Variants in AGBL4 observed in about 807,000 individuals in gnomAD.
The protein encoded by AGBL4 is cytosolic carboxypeptidase 6.
Under a neutral mutation model 66.4 loss-of-function variants are expected in AGBL4, and 58 were observed. The ratio of observed to expected loss-of-function variants is 0.87; its 90% confidence interval spans 0.71 to 1.09. AGBL4 has a LOEUF of 1.09. Among genes scored for constraint, AGBL4 ranks in the 50% least tolerant of loss-of-function variants. The probability of loss-of-function intolerance (pLI) is 0.00; values close to 1 mark genes in which losing one functional copy is unlikely to be tolerated. For synonymous variants in AGBL4, 234 were observed against 222.9 expected, an observed-to-expected ratio of 1.05 and a Z score of -0.44; for missense variants, 579 against 631.0, an observed-to-expected ratio of 0.92 and a Z score of 0.88.
intron 2 of AGBL4, among the ~76,000 whole-genome samples, chr1:49,807,812 T>C (rs1645008525): frequency 6.6e-6 from 1 of 152,098 alleles, no homozygotes; most frequent in African/African-American, 2.4e-5. Context: ...TGGGAGATAA[T>C]TATGTCATGA....
At chr1:49,446,178 T>C (rs1646152436) in intron 3 of AGBL4, among the ~76,000 whole-genome samples, 1 of 152,210 alleles carries the variant, frequency 6.6e-6, no homozygotes, top group African/African-American at 2.4e-5. Flanking sequence ...ATCTGGGATT[T>C]CAAATATTCC....
rs565013027 is a variant in AGBL4 at position 48,726,012 on chromosome 1, G to A, written c.635-62771C>T. Among the ~76,000 whole-genome samples, 15 of 152,176 alleles carry A rather than the reference G, an allele frequency of 9.9e-5. No individual in the cohort carries two copies. The East Asian group carries it at 2.9e-3, about 29-fold the overall frequency. On this transcript the variant is annotated intron_variant, in intron 6 of 13. Coordinates refer to ENST00000371839, the MANE Select transcript of AGBL4 (RefSeq NM_032785.4). Reference sequence around the variant, plus strand: ...CTACATTACTCTCCACAACAACCCTGAATTAGGGATCATTCTCTCCACACC... The same window carrying A: ...CTACATTACTCTCCACAACAACCCTAAATTAGGGATCATTCTCTCCACACC...
At chr1:48,623,076 TAAG>T (rs1319739124) in intron 9 of AGBL4, among the ~76,000 whole-genome samples, 1 of 152,234 alleles carries the variant, frequency 6.6e-6, no homozygotes, top group Non-Finnish European at 1.5e-5. Context: ...GCAACTTTTC[TAAG>T]AACAATTTGA....
rs976676438 is a variant in AGBL4, at chr1:48,749,694, T to C, written c.635-86453A>G. On this transcript the variant is annotated intron_variant, in intron 6 of 13. Transcript: ENST00000371839. ...CATGAGGGGTGCGGTGGAAGGGGAA[T>C]AGGTTGTCACCTCTAGAAGCTCTGA... 2.6e-5 allele frequency among the ~76,000 whole-genome samples: 4 copies of C among 152,168 alleles called. No individual in the cohort carries two copies. The East Asian group carries it at 7.7e-4, about 29-fold the overall frequency.
intron 3 of AGBL4, 63 bp downstream of exon 3, chr1:49,697,250 A>G (rs1189717098): frequency 6.8e-7 from 1 of 1,460,182 alleles, no homozygotes; most frequent in South Asian, 1.4e-5. Context: ...ATATTTCTAA[A>G]AGAAGACAAA....
At chr1:49,271,165 C>T (rs1644049327) in intron 3 of AGBL4, among the ~76,000 whole-genome samples, 1 of 152,086 alleles carries the variant, frequency 6.6e-6, no homozygotes, top group Non-Finnish European at 1.5e-5. Flanking sequence ...TTTATTAATC[C>T]TGTCCTTCCA....
intron 3 of AGBL4, among the ~76,000 whole-genome samples, chr1:49,577,569 T>C (rs937509183): frequency 2.0e-5 from 3 of 152,220 alleles, no homozygotes; most frequent in Non-Finnish European, 2.9e-5. Context: ...ATTCCAGATA[T>C]GGGCTTCCCT....
At chr1:49,348,411 A>G (rs909280749) in intron 3 of AGBL4, among the ~76,000 whole-genome samples, 1 of 151,584 alleles carries the variant, frequency 6.6e-6, no homozygotes, top group African/African-American at 2.4e-5. Flanking sequence ...ACAGAGCGAC[A>G]CTCCGTCTCA....
chr1:48,526,381 G>T, the AGBL4 span, among the ~76,000 whole-genome samples: 1 of 152,186 alleles, frequency 6.6e-6, no homozygotes, highest in Non-Finnish European at 1.5e-5. Context: ...CTTTAGCAGG[G>T]AAATGAGGAG....
chr1:49,950,984 A>G (rs1256409080), intron 1 of AGBL4, among the ~76,000 whole-genome samples: 1 of 151,874 alleles, frequency 6.6e-6, no homozygotes, highest in Non-Finnish European at 1.5e-5. Flanking sequence ...AGCCAGACAT[A>G]GAAAGACAAA....
chr1:49,925,405 C>T (rs1474737003), intron 1 of AGBL4, among the ~76,000 whole-genome samples: 9 of 152,268 alleles, frequency 5.9e-5, no homozygotes, highest in South Asian at 2.1e-4. Context: ...GTGGTACAGG[C>T]TGTGGGTCTT....
intron 2 of AGBL4, among the ~76,000 whole-genome samples, chr1:49,776,779 A>C (rs1254565848): frequency 6.6e-6 from 1 of 152,220 alleles, no homozygotes; most frequent in East Asian, 1.9e-4. Flanking sequence ...TGATTTTGTA[A>C]CCACATATTT....
chr1:49,512,970 C>T (rs1649415264), intron 3 of AGBL4, among the ~76,000 whole-genome samples: 1 of 151,950 alleles, frequency 6.6e-6, no homozygotes, highest in African/African-American at 2.4e-5. Flanking sequence ...TCATTTTATC[C>T]TATTCTTGAA....
chr1:49,651,440 C>G (rs1282395699), intron 3 of AGBL4, among the ~76,000 whole-genome samples: 2 of 152,140 alleles, frequency 1.3e-5, no homozygotes, highest in African/African-American at 4.8e-5. Context: ...TGTAAGAAAT[C>G]TGCTATCAGA....
intron 2 of AGBL4, among the ~76,000 whole-genome samples, chr1:49,840,159 G>A (rs1293851489): frequency 6.6e-6 from 1 of 152,100 alleles, no homozygotes; most frequent in Non-Finnish European, 1.5e-5. Flanking sequence ...CTCAATATTG[G>A]TCTATTCAGA....
intron 5 of AGBL4, among the ~76,000 whole-genome samples, chr1:48,985,996 A>G (rs1485679117): frequency 6.6e-6 from 1 of 152,124 alleles, no homozygotes; most frequent in African/African-American, 2.4e-5. Flanking sequence ...AGATAAAATT[A>G]TAATATCTGA....
chr1:48,955,631 C>G (rs1421509756), intron 5 of AGBL4, among the ~76,000 whole-genome samples: 1 of 152,216 alleles, frequency 6.6e-6, no homozygotes, highest in African/African-American at 2.4e-5. Flanking sequence ...AATCCTCCCA[C>G]CCGGGCCTCC....
At chr1:48,551,290 G>A (rs1434034070) in intron 11 of AGBL4, among the ~76,000 whole-genome samples, 1 of 152,096 alleles carries the variant, frequency 6.6e-6, no homozygotes, top group African/African-American at 2.4e-5. Flanking sequence ...TGTGAACCTG[G>A]GCAGGCTATT....
rs145935542 is a variant in AGBL4 at position 49,924,699 on chromosome 1, C to A, written c.35-73181G>T. On this transcript the variant is annotated intron_variant, in intron 1 of 13. Transcript: ENST00000371839. ...TATCCAATTTAATCCTCATATCTCC[C>A]ACAACAATAAGGTAATTGCTATTAT... 2.2e-3 allele frequency among the ~76,000 whole-genome samples: 341 copies of A among 152,120 alleles called. 4 individuals carry two copies. Among genetic ancestry groups the A allele is most frequent in the African/African-American group, 7.9e-3 (328 of 41,488 alleles).
Sources: allele counts gnomAD v4.1 joint callset (sites outside exome capture counted in the v4.1 genomes callset), GRCh38; gene constraint gnomAD v4.1.1; transcripts MANE v1.5; gene names NCBI Gene and HGNC (gene_info 2026-07-23, HGNC 2026-07-21).